The following VPS41 variants were observed in gnomAD, a reference collection of about 807,000 sequenced individuals.
VPS41 encodes VPS41 subunit of HOPS complex.
In VPS41, 85 loss-of-function variants were observed where a neutral mutation model predicts 130.9. The observed-to-expected ratio is 0.65, with a 90% CI of 0.55 to 0.78. VPS41 has a LOEUF of 0.78. Ranked by LOEUF, VPS41 falls within the 30% of genes least tolerant of loss-of-function variation. The probability of loss-of-function intolerance (pLI) is 0.00; values close to 1 mark genes in which losing one functional copy is unlikely to be tolerated. For missense variants in VPS41, 874 were observed against 1,018.7 expected (o/e 0.86, Z 1.93); for synonymous variants, 335 against 332.9 (o/e 1.01, Z -0.07).
intron 22 of VPS41, chr7:38,745,818 A>C (rs143916941): frequency 1.7e-4 from 87 of 521,926 alleles, no homozygotes; most frequent in African/African-American, 1.7e-3. Flanking sequence ...AATTCAATTT[A>C]AAACATATTT....
chr7:38,899,651 C>A (rs2116445280), intron 1 of VPS41, among the ~76,000 whole-genome samples: 1 of 152,242 alleles, frequency 6.6e-6, no homozygotes, highest in African/African-American at 2.4e-5. Flanking sequence ...TTTCCTAACA[C>A]CACTGGGGTT....
intron 2 of VPS41, among the ~76,000 whole-genome samples, chr7:38,874,826 C>T (rs1364504473): frequency 1.3e-5 from 2 of 152,068 alleles, no homozygotes; most frequent in Non-Finnish European, 2.9e-5. Flanking sequence ...ACTCTAATTA[C>T]CTATGGGGAA....
chr7:38,822,992 A>C (rs145757490), intron 5 of VPS41, among the ~76,000 whole-genome samples: 80 of 152,294 alleles, frequency 5.3e-4, no homozygotes, highest in African/African-American at 1.5e-3. Flanking sequence ...TAGTGGTATT[A>C]TTCTTCTTTA....
At chr7:38,837,965 A>G (rs1323848083) in intron 4 of VPS41, among the ~76,000 whole-genome samples, 2 of 152,364 alleles carry the variant, frequency 1.3e-5, no homozygotes, top group East Asian at 3.9e-4. Context: ...GATATCAAAT[A>G]TAATATTTAA....
At position 38,767,394 on chromosome 7, in the gene VPS41, T is replaced by C. The variant is rs2074658; in HGVS notation, c.1247+143A>G. On this transcript the variant is annotated intron_variant, in intron 15 of 28. Coordinates refer to ENST00000310301, the MANE Select transcript of VPS41 (RefSeq NM_014396.4). ...AATCATTAATATTCAAAAATTATAA[T>C]TTAAAAATAATATTCAAAAATTACC... 90 of 448,856 alleles carry C rather than the reference T, an allele frequency of 2.0e-4. 1 individual carries two copies. In the East Asian group the frequency reaches 3.1e-3, roughly 16 times the overall value. The allele number at this position is 448,856 out of a possible 1,614,324, so 27.8% of individuals were successfully genotyped here. A position where few individuals can be genotyped will look rare whatever the true frequency, so the allele number is the denominator to read the frequency against.
At chr7:38,771,701 A>G (rs192194726) in intron 13 of VPS41, among the ~76,000 whole-genome samples, 169 of 152,340 alleles carry the variant, frequency 1.1e-3, no homozygotes, top group Non-Finnish European at 2.1e-3. Context: ...ATGTTTATGT[A>G]TATCTAAAAT....
chr7:38,849,858 G>A (rs555791832), intron 4 of VPS41, among the ~76,000 whole-genome samples: 3 of 152,052 alleles, frequency 2.0e-5, no homozygotes, highest in East Asian at 3.9e-4. Context: ...TTAGGTATAG[G>A]CCCAGGGGTG....
chr7:38,902,018 G>GT (rs1301670301), intron 1 of VPS41, among the ~76,000 whole-genome samples: 13 of 152,174 alleles, frequency 8.5e-5, no homozygotes, highest in African/African-American at 2.7e-4. Context: ...CCAATTCTGG[G>GT]TAACGGATTG....
At chr7:38,757,747 G>A (rs530759260) in intron 18 of VPS41, among the ~76,000 whole-genome samples, 4 of 152,088 alleles carry the variant, frequency 2.6e-5, no homozygotes, top group Non-Finnish European at 5.9e-5. Context: ...ATGCAGGGAT[G>A]GTCGTCTTGG....
At chr7:38,857,974 AAGTTATCAGCAG>A (rs1333432498) in intron 4 of VPS41, among the ~76,000 whole-genome samples, 1 of 152,194 alleles carries the variant, frequency 6.6e-6, no homozygotes, top group Non-Finnish European at 1.5e-5. Flanking sequence ...TGAAAGAGTT[AAGTTATCAGCAG>A]AAAGAATCAG....
intron 1 of VPS41, among the ~76,000 whole-genome samples, chr7:38,903,499 C>G (rs1240407140): frequency 1.3e-5 from 2 of 152,118 alleles, no homozygotes; most frequent in African/African-American, 2.4e-5. Context: ...GAGGGCTCAC[C>G]TGGGTCTGTG....
intron 4 of VPS41, among the ~76,000 whole-genome samples, chr7:38,839,321 A>C (rs1785559398): frequency 6.6e-6 from 1 of 152,258 alleles, no homozygotes; most frequent in African/African-American, 2.4e-5. Context: ...CCTATGAAAA[A>C]CACACCTAAT....
intron 4 of VPS41, among the ~76,000 whole-genome samples, chr7:38,838,144 T>C (rs1785534013): frequency 6.6e-6 from 1 of 151,864 alleles, no homozygotes; most frequent in East Asian, 1.9e-4. Context: ...CTGGCATCCA[T>C]AATCCTATAA....
intron 2 of VPS41, among the ~76,000 whole-genome samples, chr7:38,895,443 A>T (rs1484366954): frequency 6.7e-6 from 1 of 148,978 alleles, no homozygotes; most frequent in Non-Finnish European, 1.5e-5. Flanking sequence ...GTTTTCTGCT[A>T]CTGAAACCTC....
In VPS41 at chr7:38,745,576, T is replaced by C. The variant is rs1252887345; in HGVS notation, c.1964A>G (p.Glu655Gly). Residue 655 changes from glutamate to glycine, a missense_variant, in exon 23 of 29, where the codon GAG becomes GGG. Transcript: ENST00000310301. ...CTACTTACTCAGAAGATAAACTGTC[T>C]CTTCTACAAAGTTTCTCTGTTGACA... is the stretch of plus-strand genomic sequence containing the variant. The part of the protein sequence containing the change: ...EICQQRNFVE[E>G]TVYLLSRMGN... 6.2e-7 allele frequency: 1 copy of C among 1,608,952 alleles called. No homozygotes were observed. The highest frequency in any genetic ancestry group is 2.2e-5 in the East Asian group (1 of 44,692).
chr7:38,802,810 A>G (rs1376863736), intron 7 of VPS41, among the ~76,000 whole-genome samples: 1 of 152,182 alleles, frequency 6.6e-6, no homozygotes, highest in Non-Finnish European at 1.5e-5. Context: ...TTATGGGGTA[A>G]GCCATTGAAA....
At chr7:38,842,356 G>T (rs1324640286) in intron 4 of VPS41, among the ~76,000 whole-genome samples, 1 of 152,046 alleles carries the variant, frequency 6.6e-6, no homozygotes, top group African/African-American at 2.4e-5. Context: ...TTTCCACACT[G>T]CTAATCCCAA....
At chr7:38,735,537 C>G (rs989978756) in intron 25 of VPS41, among the ~76,000 whole-genome samples, 3 of 151,358 alleles carry the variant, frequency 2.0e-5, no homozygotes, top group Admixed American at 6.6e-5. Context: ...GTGTGTGTGT[C>G]TGTGTGTATG....
At chr7:38,770,409 C>T (rs1047974723) in intron 14 of VPS41, among the ~76,000 whole-genome samples, 192 of 151,782 alleles carry the variant, frequency 1.3e-3, no homozygotes, top group African/African-American at 4.4e-3. Context: ...CTTGCTTATT[C>T]TCCACAATTT....
Sources: gnomAD v4.1 joint callset for allele counts (sites outside exome capture counted in the v4.1 genomes callset) on GRCh38, gnomAD v4.1.1 for gene constraint, MANE v1.5 for transcripts, NCBI Gene and HGNC (gene_info 2026-07-23, HGNC 2026-07-21) for gene names.